The following DACH1 variants were observed in gnomAD, a reference collection of about 807,000 sequenced individuals.
The protein encoded by DACH1 is dachshund family transcription factor 1.
DACH1 carries 12 observed loss-of-function variants against 54.2 expected under a neutral mutation model. The observed-to-expected ratio is 0.22, with a 90% CI of 0.14 to 0.36. DACH1 has a LOEUF of 0.36. Among genes scored for constraint, DACH1 ranks in the 10% least tolerant of loss-of-function variants. DACH1 has a pLI of 1.00. For missense variants in DACH1, 805 were observed against 929.8 expected (o/e 0.87, Z 1.75); for synonymous variants, 386 against 366.2 (o/e 1.05, Z -0.62).
chr13:71,617,316 T>C lies in DACH1; in HGVS notation c.1126+13240A>G, dbSNP rs1566381429. Among the ~76,000 whole-genome samples the C allele has an allele frequency of 3.3e-5, 5 of 152,230 alleles. No individual in the cohort carries two copies. In the South Asian group the frequency reaches 8.3e-4, roughly 25 times the overall value. On this transcript the variant is annotated intron_variant, in intron 3 of 10. Coordinates refer to ENST00000613252, the MANE Select transcript of DACH1 (RefSeq NM_080759.6). The stretch of plus-strand genomic sequence containing the variant: ...GTATTACCTGTTTTTATCAATTTAT[T>C]TCTTTTTTATTAATTGTTTTTGTCA...
intron 2 of DACH1, among the ~76,000 whole-genome samples, chr13:71,677,581 T>G (rs1173432669): frequency 6.6e-6 from 1 of 152,208 alleles, no homozygotes; most frequent in Non-Finnish European, 1.5e-5. Context: ...AAAATACATT[T>G]TTTTTAAAAA....
chr13:71,808,791 G>C (rs1034475220), intron 1 of DACH1, among the ~76,000 whole-genome samples: 2 of 152,140 alleles, frequency 1.3e-5, no homozygotes, highest in East Asian at 3.9e-4. Context: ...GAAATGCTCT[G>C]TGCATCTTTA....
At chr13:71,496,429 A>G (rs747883384) in intron 6 of DACH1, among the ~76,000 whole-genome samples, 2 of 151,266 alleles carry the variant, frequency 1.3e-5, no homozygotes, top group Non-Finnish European at 2.9e-5. Context: ...ATATGACTGG[A>G]TCTGGAGGCC....
intron 5 of DACH1, 107 bp from the exon 6 acceptor site, chr13:71,557,265 T>C (rs962777751): frequency 1.2e-6 from 1 of 803,830 alleles, no homozygotes; most frequent in Non-Finnish European, 1.8e-6. Context: ...GTAACTATAA[T>C]ATTAATATAA....
intron 3 of DACH1, among the ~76,000 whole-genome samples, chr13:71,614,675 G>A (rs1382386529): frequency 6.6e-6 from 1 of 151,994 alleles, no homozygotes; most frequent in African/African-American, 2.4e-5. Flanking sequence ...GGAACACAGT[G>A]AGACTCCATC....
chr13:71,728,698 C>T (rs547390200), intron 1 of DACH1, among the ~76,000 whole-genome samples: 8 of 152,022 alleles, frequency 5.3e-5, no homozygotes, highest in South Asian at 2.1e-4. Flanking sequence ...TGGGATGGTT[C>T]TTCATAATTT....
intron 3 of DACH1, among the ~76,000 whole-genome samples, chr13:71,628,095 A>G (rs1390999186): frequency 2.0e-5 from 3 of 152,090 alleles, no homozygotes; most frequent in African/African-American, 7.2e-5. Context: ...TTGGGCTCAG[A>G]AAGTTTACAT....
chr13:71,805,986 T>C (rs1887481883), intron 1 of DACH1, among the ~76,000 whole-genome samples: 1 of 152,140 alleles, frequency 6.6e-6, no homozygotes, highest in Admixed American at 6.6e-5. Flanking sequence ...TTTGTATTTT[T>C]AGTACAGATG....
At chr13:71,508,348 C>T (rs963163050) in intron 6 of DACH1, among the ~76,000 whole-genome samples, 10 of 152,136 alleles carry the variant, frequency 6.6e-5, no homozygotes, top group Non-Finnish European at 1.2e-4. Flanking sequence ...ATGATGATTA[C>T]TCTCACAATT....
At chr13:71,730,940 A>G in intron 1 of DACH1, among the ~76,000 whole-genome samples, 1 of 152,096 alleles carries the variant, frequency 6.6e-6, no homozygotes, top group East Asian at 1.9e-4. Flanking sequence ...AAGGCATTCA[A>G]AGCATATCAG....
At chr13:71,589,258 T>C (rs1272264108) in intron 3 of DACH1, among the ~76,000 whole-genome samples, 1 of 152,008 alleles carries the variant, frequency 6.6e-6, no homozygotes, top group African/African-American at 2.4e-5. Flanking sequence ...TCAAGGGAAA[T>C]GTAAGTATTG....
chr13:71,790,502 T>C (rs1337067038), intron 1 of DACH1, among the ~76,000 whole-genome samples: 4 of 152,174 alleles, frequency 2.6e-5, no homozygotes, highest in African/African-American at 7.2e-5. Flanking sequence ...GGAGGTTTAA[T>C]AAATATTTGG....
rs1207083439 is a variant in DACH1, at chr13:71,757,699, T to G, written c.849-75789A>C. Among the ~76,000 whole-genome samples the G allele has an allele frequency of 2.6e-5, 4 of 152,162 alleles. No homozygotes were observed. The East Asian group carries it at 7.8e-4, about 30-fold the overall frequency. On this transcript the variant is annotated intron_variant, in intron 1 of 10. Coordinates refer to ENST00000613252, the MANE Select transcript of DACH1 (RefSeq NM_080759.6). The stretch of plus-strand genomic sequence containing the variant: ...CCATTATGCCCAGCTAATTTTTGTA[T>G]TTTTGTAGAGATGGGGCTTCACCAT...
chr13:71,469,458 T>C (rs948304321), intron 10 of DACH1, among the ~76,000 whole-genome samples: 4 of 151,884 alleles, frequency 2.6e-5, no homozygotes, highest in African/African-American at 4.8e-5. Context: ...ACAACAACAA[T>C]AATAATATAT....
intron 1 of DACH1, among the ~76,000 whole-genome samples, chr13:71,734,839 C>T (rs1377112862): frequency 4.2e-5 from 6 of 142,166 alleles, no homozygotes; most frequent in Non-Finnish European, 7.6e-5. Flanking sequence ...TACGTATACC[C>T]CATATATATG....
rs117818658 is a variant in DACH1 at position 71,649,954 on chromosome 13, T to C, written c.965-19237A>G. On this transcript the variant is annotated intron_variant, in intron 2 of 10. Transcript: ENST00000613252. ...ATTCTTTAATCTCAGACTCACATTA[T>C]GAGCAGAGGCCAGAAGCAAGCTAGA... Among the ~76,000 whole-genome samples, 157 of 152,318 alleles carry C rather than the reference T, an allele frequency of 1.0e-3. 2 individuals are homozygous for C. The East Asian group carries it at 0.026, about 25-fold the overall frequency.
chr13:71,802,406 T>A (rs1474377287), intron 1 of DACH1, among the ~76,000 whole-genome samples: 1 of 152,072 alleles, frequency 6.6e-6, no homozygotes, highest in Non-Finnish European at 1.5e-5. Flanking sequence ...GAATCATTAT[T>A]AATTTATATG....
intron 2 of DACH1, among the ~76,000 whole-genome samples, chr13:71,664,702 T>C (rs1407077407): frequency 1.3e-5 from 2 of 152,150 alleles, no homozygotes; most frequent in East Asian, 1.9e-4. Flanking sequence ...GAACTCAGTG[T>C]TAATAAACAC....
intron 1 of DACH1, among the ~76,000 whole-genome samples, chr13:71,808,752 G>C (rs303966): frequency 0.34 from 51,135 of 151,960 alleles, 9,279 homozygotes; most frequent in African/African-American, 0.45. Context: ...AAAAATGCAA[G>C]TAAGACACTT....
Sources: allele counts gnomAD v4.1 joint callset (sites outside exome capture counted in the v4.1 genomes callset), GRCh38; gene constraint gnomAD v4.1.1; transcripts MANE v1.5; gene names NCBI Gene and HGNC (gene_info 2026-07-23, HGNC 2026-07-21).